Variants in DZIP1 observed in about 807,000 individuals in gnomAD.
DZIP1 encodes cilium assembly protein DZIP1.
Under a neutral mutation model 107.6 loss-of-function variants are expected in DZIP1, and 97 were observed. The ratio of observed to expected loss-of-function variants is 0.90; its 90% CI spans 0.77 to 1.07. The LOEUF (loss-of-function observed/expected upper bound fraction) is 1.07, where lower values mean the gene tolerates loss of function less well. Among genes scored for constraint, DZIP1 ranks in the 50% least tolerant of loss-of-function variants. DZIP1 has a pLI of 0.00. For missense variants in DZIP1, 1,035 were observed against 1,063.6 expected, an observed-to-expected ratio of 0.97 and a Z score of 0.37; for synonymous variants, 390 against 386.4, an observed-to-expected ratio of 1.01 and a Z score of -0.11.
At chr13:95,597,646 G>T (rs538397443) in intron 15 of DZIP1, among the ~76,000 whole-genome samples, 1 of 152,182 alleles carries the variant, frequency 6.6e-6, no homozygotes, top group Non-Finnish European at 1.5e-5. Context: ...GCAAACCGGA[G>T]GTTGCTTCCA....
Position 95,606,079 on chromosome 13 carries a change from A to G in DZIP1, c.1421-20T>C, listed in dbSNP as rs377378819. The G allele has an allele frequency of 2.5e-4, 395 of 1,611,752 alleles. No homozygotes were observed. The highest frequency in any genetic ancestry group is 4.7e-4 in the Admixed American group (28 of 59,564). Reference sequence around the variant, plus strand: ...CATTCACTGAAACAGCATAAAAAGGAAAAACTCAGAGGTTCCATAATTAAA... The same window carrying G: ...CATTCACTGAAACAGCATAAAAAGGGAAAACTCAGAGGTTCCATAATTAAA... On this transcript the variant is annotated intron_variant, in intron 13 of 22. Transcript: ENST00000376829.
chr13:95,611,261 A>T (rs969027228), intron 12 of DZIP1, among the ~76,000 whole-genome samples, 184 bp downstream of exon 12: 1 of 152,220 alleles, frequency 6.6e-6, no homozygotes, highest in Admixed American at 6.5e-5. Context: ...TAAATTCTTC[A>T]CCTTTCTGGG....
intron 13 of DZIP1, among the ~76,000 whole-genome samples, chr13:95,607,338 T>C (rs964464778): frequency 1.3e-5 from 2 of 152,230 alleles, no homozygotes; most frequent in African/African-American, 4.8e-5. Flanking sequence ...TGAGCCACCA[T>C]ACCCGGCCAT....
intron 12 of DZIP1, among the ~76,000 whole-genome samples, 160 bp downstream of exon 12, chr13:95,611,285 T>G (rs560937870): frequency 6.6e-6 from 1 of 152,284 alleles, no homozygotes; most frequent in Admixed American, 6.5e-5. Context: ...TGGTAACAAA[T>G]CTCTCAAATT....
At chr13:95,594,978 T>C (rs1289924331) in intron 15 of DZIP1, among the ~76,000 whole-genome samples, 1 of 152,180 alleles carries the variant, frequency 6.6e-6, no homozygotes, top group Non-Finnish European at 1.5e-5. Context: ...AAGACTTCAT[T>C]AAAGAGATGC....
chr13:95,622,294 C>G, intron 9 of DZIP1, 49 bp downstream of exon 9: 1 of 1,611,908 alleles, frequency 6.2e-7, no homozygotes, highest in Non-Finnish European at 8.5e-7. Context: ...AATTACTTCA[C>G]TAAGAAAAAG....
chr13:95,590,013 C>G, intron 17 of DZIP1, 81 bp from the exon 18 acceptor site: 21 of 1,496,914 alleles, frequency 1.4e-5, no homozygotes, highest in Non-Finnish European at 1.8e-5. Flanking sequence ...TATAATACCC[C>G]CTATGCTGCT....
intron 8 of DZIP1, among the ~76,000 whole-genome samples, chr13:95,624,390 C>G (rs1217077413): frequency 4.6e-5 from 7 of 152,292 alleles, no homozygotes. Context: ...GAGGAGGGAG[C>G]CTGGCAAAGG....
At chr13:95,622,698 A>G (rs1876038796) in intron 8 of DZIP1, among the ~76,000 whole-genome samples, 1 of 152,006 alleles carries the variant, frequency 6.6e-6, no homozygotes, top group African/African-American at 2.4e-5. Flanking sequence ...TACAGGGTGA[A>G]AAAAGGGGAA....
At chr13:95,599,642 A>G (rs1217507837) in intron 14 of DZIP1, among the ~76,000 whole-genome samples, 1 of 152,208 alleles carries the variant, frequency 6.6e-6, no homozygotes, top group Non-Finnish European at 1.5e-5. Flanking sequence ...ACTACACTCT[A>G]CAGAAATTAT....
At chr13:95,603,306 C>CAAAAAA (rs34995131) in intron 14 of DZIP1, among the ~76,000 whole-genome samples, 10 of 47,966 alleles carry the variant, frequency 2.1e-4, no homozygotes, top group East Asian at 7.9e-4. Flanking sequence ...TGCCCAGTCT[C>CAAAAAA]AAAAAAAAAA....
intron 5 of DZIP1, among the ~76,000 whole-genome samples, chr13:95,636,543 C>CAAAAAAAAAAAAAAA (rs58289509): frequency 8.5e-6 from 1 of 118,274 alleles, no homozygotes. Context: ...GACCTTGACT[C>CAAAAAAAAAAAAAAA]AAAAAAAAAA....
intron 14 of DZIP1, among the ~76,000 whole-genome samples, chr13:95,602,293 G>A (rs191492844): frequency 8.5e-5 from 13 of 152,154 alleles, no homozygotes; most frequent in Non-Finnish European, 8.8e-5. Flanking sequence ...ATGCCATCCC[G>A]ACATATTCAC....
chr13:95,630,501 C>A (rs1428242681), intron 6 of DZIP1, among the ~76,000 whole-genome samples: 2 of 151,976 alleles, frequency 1.3e-5, no homozygotes, highest in Non-Finnish European at 2.9e-5. Flanking sequence ...TCTGCAGGCA[C>A]CACCATACTG....
intron 14 of DZIP1, among the ~76,000 whole-genome samples, chr13:95,601,140 A>G (rs2044607408): frequency 6.6e-6 from 1 of 152,174 alleles, no homozygotes; most frequent in Admixed American, 6.5e-5. Flanking sequence ...ATAAACTGCC[A>G]GGTTCTGATG....
chr13:95,629,836 G>A (rs1479069820), intron 7 of DZIP1, among the ~76,000 whole-genome samples, 153 bp downstream of exon 7: 2 of 152,200 alleles, frequency 1.3e-5, no homozygotes, highest in African/African-American at 2.4e-5. Context: ...GTGCTTTGTA[G>A]TAAGATACTA....
intron 13 of DZIP1, among the ~76,000 whole-genome samples, chr13:95,608,339 GATTT>G (rs2044850466): frequency 6.6e-6 from 1 of 151,298 alleles, no homozygotes; most frequent in Admixed American, 6.6e-5. Flanking sequence ...AAAAGGATGA[GATTT>G]ATTAATATAT....
chr13:95,610,412 G>A (rs1473945078), intron 12 of DZIP1, among the ~76,000 whole-genome samples: 1 of 151,850 alleles, frequency 6.6e-6, no homozygotes, highest in Non-Finnish European at 1.5e-5. Context: ...CTGGGCTCGA[G>A]TGATTCTTCC....
At position 95,607,086 on chromosome 13, in the gene DZIP1, G is replaced by A. The variant is rs147231786; in HGVS notation, c.1421-1027C>T. ...TAAAAAACACAGTTTTACTCCCGTC[G>A]CCCAGGGTGGAGTGCAGTGGCATGA... On this transcript the variant is annotated intron_variant, in intron 13 of 22. Transcript: ENST00000376829. 2.1e-3 allele frequency among the ~76,000 whole-genome samples: 315 copies of A among 151,772 alleles called. 2 individuals carry two copies. The highest frequency in any genetic ancestry group is 2.0e-3 in the Non-Finnish European group (138 of 67,940).
Sources: gnomAD v4.1 joint callset for allele counts (sites outside exome capture counted in the v4.1 genomes callset) on GRCh38, gnomAD v4.1.1 for gene constraint, MANE v1.5 for transcripts, NCBI Gene and HGNC (gene_info 2026-07-23, HGNC 2026-07-21) for gene names.